Variants in ADGRB3 observed in about 807,000 individuals in gnomAD.
ADGRB3 encodes the protein adhesion G protein-coupled receptor B3.
In ADGRB3, 37 loss-of-function variants were observed where a neutral mutation model predicts 193.4. The ratio of observed to expected loss-of-function variants is 0.19; its 90% CI spans 0.15 to 0.25. The LOEUF is 0.25. Among genes scored for constraint, ADGRB3 ranks in the 10% least tolerant of loss-of-function variants. The pLI, the probability that ADGRB3 is intolerant of heterozygous loss-of-function variation, is 1.00. For missense variants in ADGRB3, 1,637 were observed against 1,852.9 expected (o/e 0.88, Z 2.14); for synonymous variants, 690 against 644.2 (o/e 1.07, Z -1.08).
intron 20 of ADGRB3, among the ~76,000 whole-genome samples, chr6:69,265,217 G>C (rs1003472710): frequency 1.3e-5 from 2 of 151,954 alleles, no homozygotes; most frequent in African/African-American, 4.8e-5. Context: ...CAGGGAACCA[G>C]AGTAGTAAAA....
At chr6:69,049,408 T>C in intron 15 of ADGRB3, 62 bp downstream of exon 15, 1 of 1,211,504 alleles carries the variant, frequency 8.3e-7, no homozygotes, top group Non-Finnish European at 1.2e-6. Flanking sequence ...TGATTATAGC[T>C]CATTCTATAA....
At chr6:68,900,547 T>A (rs2150232917) in intron 3 of ADGRB3, among the ~76,000 whole-genome samples, 1 of 152,222 alleles carries the variant, frequency 6.6e-6, no homozygotes, top group African/African-American at 2.4e-5. Flanking sequence ...ATTAAACAAG[T>A]AGATAGGATG....
rs556045608 is a variant in ADGRB3, at chr6:68,917,498, G to A, written c.758-13061G>A. ...GATAATTACTATTTTTTTTCCTGAA[G>A]TTTTCTTGTTTCAAGTTAAAAAATC... On this transcript the variant is annotated intron_variant, in intron 3 of 31. Coordinates refer to ENST00000370598, the MANE Select transcript of ADGRB3 (RefSeq NM_001704.3). 2.0e-4 allele frequency among the ~76,000 whole-genome samples: 31 copies of A among 151,922 alleles called. 1 individual carries two copies. In the South Asian group the frequency reaches 6.2e-3, roughly 30 times the overall value.
intron 8 of ADGRB3, among the ~76,000 whole-genome samples, chr6:68,962,890 TC>T (rs1182557959): frequency 2.6e-5 from 4 of 152,174 alleles, no homozygotes; most frequent in African/African-American, 9.6e-5. Context: ...GATCTCTCTC[TC>T]ATCAACTATA....
In ADGRB3 at chr6:69,323,341, A is replaced by G. The variant is rs1322760437; in HGVS notation, c.2815-1531A>G. Among the ~76,000 whole-genome samples, 4 of 152,144 alleles carry G rather than the reference A, an allele frequency of 2.6e-5. No homozygotes were observed. In the East Asian group the frequency reaches 5.8e-4, roughly 22 times the overall value. On this transcript the variant is annotated intron_variant, in intron 20 of 31. Transcript: ENST00000370598. Reference sequence around the variant, plus strand: ...TTGGAATTCAAATGGATTGGTGACTATAGATCAAAAATAAGCAAACTAGTC... The same window carrying G: ...TTGGAATTCAAATGGATTGGTGACTGTAGATCAAAAATAAGCAAACTAGTC...
At chr6:68,639,718 G>A (rs1011054229) in intron 3 of ADGRB3, among the ~76,000 whole-genome samples, 1 of 152,122 alleles carries the variant, frequency 6.6e-6, no homozygotes, top group Non-Finnish European at 1.5e-5. Flanking sequence ...CTAGAGATTG[G>A]TGAGGAGGGA....
intron 3 of ADGRB3, among the ~76,000 whole-genome samples, chr6:68,703,234 T>C (rs1328955692): frequency 6.6e-6 from 1 of 152,220 alleles, no homozygotes; most frequent in Non-Finnish European, 1.5e-5. Flanking sequence ...CAAAACAATC[T>C]TTTTTATCAC....
intron 3 of ADGRB3, among the ~76,000 whole-genome samples, chr6:68,840,011 G>C (rs1421415635): frequency 2.0e-5 from 3 of 152,150 alleles, no homozygotes; most frequent in African/African-American, 7.2e-5. Context: ...GCAGCATTTA[G>C]AACAGACCTA....
intron 3 of ADGRB3, among the ~76,000 whole-genome samples, chr6:68,789,494 C>T (rs1562030544): frequency 1.3e-5 from 2 of 152,236 alleles, no homozygotes; most frequent in Non-Finnish European, 2.9e-5. Flanking sequence ...CCACACTCTT[C>T]TGGCTTGTAG....
intron 17 of ADGRB3, among the ~76,000 whole-genome samples, chr6:69,105,497 G>T (rs183522532): frequency 6.6e-6 from 1 of 151,906 alleles, no homozygotes; most frequent in Non-Finnish European, 1.5e-5. Context: ...GGCCTACATC[G>T]CCCTCTGCCT....
At chr6:68,718,069 T>C (rs1320174669) in intron 3 of ADGRB3, among the ~76,000 whole-genome samples, 1 of 151,790 alleles carries the variant, frequency 6.6e-6, no homozygotes, top group Non-Finnish European at 1.5e-5. Context: ...AGTTTCAAAA[T>C]GGGCTCAAAA....
chr6:68,816,648 A>T (rs1184449683), intron 3 of ADGRB3, among the ~76,000 whole-genome samples: 1 of 151,778 alleles, frequency 6.6e-6, no homozygotes. Flanking sequence ...ACTGGCTCCC[A>T]AGCTACCTTT....
intron 26 of ADGRB3, among the ~76,000 whole-genome samples, chr6:69,345,077 A>G (rs148208103): frequency 6.6e-6 from 1 of 152,230 alleles, no homozygotes; most frequent in Non-Finnish European, 1.5e-5. Context: ...AGCATTGACT[A>G]AGTGATGTTT....
intron 10 of ADGRB3, 134 bp downstream of exon 10, chr6:68,975,474 T>C (rs1768716791): frequency 1.5e-6 from 1 of 659,628 alleles, no homozygotes; most frequent in African/African-American, 1.8e-5. Flanking sequence ...GAGAAAGCAA[T>C]GTGATAGAAA....
chr6:69,205,073 A>G (rs937924813), intron 17 of ADGRB3, among the ~76,000 whole-genome samples: 3 of 152,218 alleles, frequency 2.0e-5, no homozygotes, highest in Admixed American at 1.3e-4. Context: ...TAATTTGTAA[A>G]ATGTTTAGCA....
chr6:69,197,777 A>T (rs543821510), intron 17 of ADGRB3, among the ~76,000 whole-genome samples: 1 of 152,222 alleles, frequency 6.6e-6, no homozygotes, highest in South Asian at 2.1e-4. Flanking sequence ...AGCAAAGGTA[A>T]GAGGCTAAGC....
intron 3 of ADGRB3, among the ~76,000 whole-genome samples, chr6:68,704,040 T>TA (rs1249703617): frequency 1.3e-5 from 2 of 152,212 alleles, no homozygotes; most frequent in African/African-American, 4.8e-5. Context: ...TGTCAATATA[T>TA]TAGTCCCTAA....
chr6:68,900,190 A>T (rs1395817652), intron 3 of ADGRB3, among the ~76,000 whole-genome samples: 2 of 152,182 alleles, frequency 1.3e-5, no homozygotes, highest in Admixed American at 1.3e-4. Context: ...ATACTCTTAT[A>T]TTGTTGGTGG....
At chr6:69,282,368 A>G (rs554918231) in intron 20 of ADGRB3, among the ~76,000 whole-genome samples, 3 of 152,074 alleles carry the variant, frequency 2.0e-5, no homozygotes, top group African/African-American at 7.2e-5. Context: ...GCCCCAACCT[A>G]TGTATAGCCA....
Sources: gnomAD v4.1 joint callset for allele counts (sites outside exome capture counted in the v4.1 genomes callset) on GRCh38, gnomAD v4.1.1 for gene constraint, MANE v1.5 for transcripts, NCBI Gene and HGNC (gene_info 2026-07-23, HGNC 2026-07-21) for gene names.